ETV7: variants seen among roughly 807,000 people sequenced by gnomAD.
ETV7 encodes transcription factor ETV7.
A neutral mutation model predicts 39.1 loss-of-function variants in ETV7; 43 were observed. The ratio of observed to expected loss-of-function variants is 1.10; its 90% CI spans 0.86 to 1.42. The LOEUF is 1.42. Among genes scored for constraint, ETV7 ranks in the 40% most tolerant of loss-of-function variants. The probability of loss-of-function intolerance (pLI) is 0.00; values close to 1 mark genes in which losing one functional copy is unlikely to be tolerated. For missense variants in ETV7, 432 were observed against 442.3 expected (o/e 0.98, Z 0.21); for synonymous variants, 196 against 176.6 (o/e 1.11, Z -0.87).
At chr6:36,382,425 T>C (rs753082770) in intron 2 of ETV7, among the ~76,000 whole-genome samples, 14 of 152,188 alleles carry the variant, frequency 9.2e-5, no homozygotes, top group Admixed American at 2.0e-4. Context: ...AGGAGTTTAT[T>C]AGAAATCTGC....
rs115265985 is a variant in ETV7, at chr6:36,366,709, G to T, written c.962C>A (p.Pro321Gln). Reference protein sequence around the residue: ...MVQDKHSHLEPLESQEQDRIE... With the variant: ...MVQDKHSHLEQLESQEQDRIE... ...TCTGTCCTGCTCCTGGCTCTCCAGC[G>T]GCTCCAGGTGGCTGTGCTTGTCCTG... The change falls in exon 8 of 8, where the codon CCG becomes CAG. Residue 321 changes from proline (P) to glutamine (Q), a missense_variant. By Grantham distance (76) the Pro-to-Gln change is moderately conservative. Coordinates refer to ENST00000340181, the MANE Select transcript of ETV7 (RefSeq NM_016135.4). 1 of 1,613,994 alleles carries T rather than the reference G, an allele frequency of 6.2e-7. No homozygotes were observed. Among genetic ancestry groups the T allele is most frequent in the Non-Finnish European group, 8.5e-7 (1 of 1,179,986 alleles).
chr6:36,373,583 AGGTG>A lies in ETV7; in HGVS notation c.308-9_308-6del. ...GCAGCTCATACAGGACGTCACCTGG[AGGTG>A]GGTGGGAGGGAGGGCAGGCTGCTGA... On this transcript the variant is annotated splice_region_variant and splice_polypyrimidine_tract_variant and intron_variant, in intron 3 of 7. Coordinates refer to ENST00000340181, the MANE Select transcript of ETV7 (RefSeq NM_016135.4). The A allele has an allele frequency of 3.2e-6, 1 of 312,170 alleles. No homozygotes were observed. The highest frequency in any genetic ancestry group is 5.6e-6 in the Non-Finnish European group (1 of 178,388). The allele number at this position is 312,170 out of a possible 1,614,324, so 19.3% of individuals were successfully genotyped here.
chr6:36,375,535 T>C (rs753314236), intron 3 of ETV7, among the ~76,000 whole-genome samples: 10 of 152,150 alleles, frequency 6.6e-5, no homozygotes, highest in Non-Finnish European at 1.5e-4. Flanking sequence ...CTCTAGTTGG[T>C]TTTTTGTTCA....
downstream of ETV7, among the ~76,000 whole-genome samples, chr6:36,363,386 G>A (rs899685958): frequency 6.6e-6 from 1 of 152,084 alleles, no homozygotes; most frequent in African/African-American, 2.4e-5. Flanking sequence ...CTCCCCGTGG[G>A]CTCATGGGCT....
At position 36,376,649 on chromosome 6, in the gene ETV7, A is replaced by G. The variant is rs533948644; in HGVS notation, c.143-614T>C. 1.9e-4 allele frequency among the ~76,000 whole-genome samples: 29 copies of G among 152,136 alleles called. No homozygotes were observed. The East Asian group carries it at 2.9e-3, about 15-fold the overall frequency. On this transcript the variant is annotated intron_variant, in intron 2 of 7. Coordinates refer to ENST00000340181, the MANE Select transcript of ETV7 (RefSeq NM_016135.4). ...AAATTAGCTGGGCATGGTGGCATGC[A>G]CCTGTAGTCCCAGCTGCTCGGGAGG... is the stretch of plus-strand genomic sequence containing the variant.
chr6:36,376,910 T>A (rs1156804840), intron 2 of ETV7, among the ~76,000 whole-genome samples: 1 of 152,094 alleles, frequency 6.6e-6, no homozygotes, highest in Non-Finnish European at 1.5e-5. Flanking sequence ...GCTATTGAAC[T>A]TTTCTGCTCC....
At position 36,366,426 on chromosome 6, in the gene ETV7, A is replaced by G. The variant is rs1157044714; in HGVS notation, c.*219T>C. 1 of 1,409,544 alleles carries G rather than the reference A, an allele frequency of 7.1e-7. No individual in the cohort carries two copies. Among genetic ancestry groups the G allele is most frequent in the Non-Finnish European group, 9.2e-7 (1 of 1,083,578 alleles). 87.3% of individuals were successfully genotyped at this position (1,409,544 alleles called of 1,614,324 possible). ...AGTAGGGGAGAGTCCATTCCCCTGT[A>G]CCTCATTTAGCCCCAGGATTGCCCT... On this transcript the variant is annotated 3_prime_UTR_variant, in exon 8 of 8. Transcript: ENST00000340181.
At chr6:36,368,727 A>C (rs1772848285) in intron 6 of ETV7, among the ~76,000 whole-genome samples, 1 of 152,236 alleles carries the variant, frequency 6.6e-6, no homozygotes, top group Non-Finnish European at 1.5e-5. Context: ...ACAATTGTTC[A>C]GTTTCAGAGA....
downstream of ETV7, among the ~76,000 whole-genome samples, chr6:36,364,128 T>C (rs571056780): frequency 5.2e-4 from 79 of 152,100 alleles, no homozygotes; most frequent in African/African-American, 1.8e-3. Context: ...CATAAAGGTT[T>C]TCCACCTCCC....
In ETV7 at chr6:36,369,920, C is replaced by A. The variant is rs564539685; in HGVS notation, c.665-849G>T. Among the ~76,000 whole-genome samples the A allele has an allele frequency of 1.9e-4, 26 of 137,320 alleles. No homozygotes were observed. In the East Asian group the frequency reaches 3.6e-3, roughly 19 times the overall value. 90.1% of individuals were successfully genotyped at this position (137,320 alleles called of 152,430 possible). A position where few individuals can be genotyped will look rare whatever the true frequency, so the allele number is the denominator to read the frequency against. On this transcript the variant is annotated intron_variant, in intron 5 of 7. Transcript: ENST00000340181. Reference sequence around the variant, plus strand: ...ACCCTGTCTCTTAAAAAAAAAAAAACCCAGTAATTGTGGATCATTGTGTTT... The same window carrying A: ...ACCCTGTCTCTTAAAAAAAAAAAAAACCAGTAATTGTGGATCATTGTGTTT...
intron 6 of ETV7, among the ~76,000 whole-genome samples, chr6:36,367,209 T>A (rs1326316877): frequency 6.6e-6 from 1 of 152,026 alleles, no homozygotes; most frequent in Non-Finnish European, 1.5e-5. Flanking sequence ...TTGGGAGGCC[T>A]AGGTGGGCAG....
chr6:36,365,699 C>A (rs929734623), downstream of ETV7, among the ~76,000 whole-genome samples: 7 of 152,130 alleles, frequency 4.6e-5, no homozygotes, highest in Non-Finnish European at 1.0e-4. Flanking sequence ...TAAGAAGCAT[C>A]CACATACAGT....
downstream of ETV7, among the ~76,000 whole-genome samples, chr6:36,364,277 A>AGG (rs1772633566): frequency 6.6e-6 from 1 of 152,194 alleles, no homozygotes; most frequent in South Asian, 2.1e-4. Flanking sequence ...GCTGTGGAGC[A>AGG]GGGGGTGGCG....
At chr6:36,377,563 G>C (rs1413512924) in intron 2 of ETV7, among the ~76,000 whole-genome samples, 1 of 152,192 alleles carries the variant, frequency 6.6e-6, no homozygotes, top group Non-Finnish European at 1.5e-5. Context: ...AGGCAGAAGA[G>C]AGAAGCAACT....
intron 2 of ETV7, among the ~76,000 whole-genome samples, chr6:36,380,190 A>G (rs1582217567): frequency 6.6e-6 from 1 of 152,288 alleles, no homozygotes; most frequent in East Asian, 1.9e-4. Flanking sequence ...TAGGGCGTCA[A>G]TCACCCTCAA....
chr6:36,364,521 C>G (rs529403276), downstream of ETV7, among the ~76,000 whole-genome samples: 4 of 152,240 alleles, frequency 2.6e-5, no homozygotes, highest in African/African-American at 9.6e-5. Flanking sequence ...GCCGGCTGCT[C>G]CGAGTGCGGG....
chr6:36,385,717 G>C (rs1278307783), intron 1 of ETV7, 48 bp from the exon 2 acceptor site: 1 of 1,553,508 alleles, frequency 6.4e-7, no homozygotes, highest in Non-Finnish European at 8.7e-7. Flanking sequence ...TCTTGGTGAA[G>C]GCTCAGCCAT....
chr6:36,372,102 C>G (rs1484654294), intron 4 of ETV7, among the ~76,000 whole-genome samples: 1 of 152,180 alleles, frequency 6.6e-6, no homozygotes, highest in Non-Finnish European at 1.5e-5. Context: ...GGGAAAGGAG[C>G]AGGGGTTGCC....
At chr6:36,368,874 C>T in intron 6 of ETV7, 55 bp downstream of exon 6, 8 of 1,612,556 alleles carry the variant, frequency 5.0e-6, no homozygotes, top group Non-Finnish European at 6.8e-6. Flanking sequence ...CACTCTGACC[C>T]CCAACTCTGT....
Sources: allele counts gnomAD v4.1 joint callset (sites outside exome capture counted in the v4.1 genomes callset), GRCh38; gene constraint gnomAD v4.1.1; transcripts MANE v1.5; gene names NCBI Gene and HGNC (gene_info 2026-07-23, HGNC 2026-07-21).